Variants in ZNF469 observed in about 807,000 individuals in gnomAD.
The protein encoded by ZNF469 is zinc finger protein 469.
ZNF469 carries 1 observed loss-of-function variant against 1.0 expected under a neutral mutation model. That is an observed-to-expected ratio of 1.00 (90% confidence interval 0.35 to 4.73). ZNF469 has a LOEUF of 4.73. Ranked by LOEUF, ZNF469 falls within the 30% of genes most tolerant of loss-of-function variation. The pLI is 0.16. For missense variants in ZNF469, 6,100 were observed against 5,356.3 expected, an observed-to-expected ratio of 1.14 and a Z score of -4.33; for synonymous variants, 2,703 against 2,363.4, an observed-to-expected ratio of 1.14 and a Z score of -4.17.
At chr16:88,278,980 G>A in the ZNF469 span, among the ~76,000 whole-genome samples, 1 of 151,318 alleles carries the variant, frequency 6.6e-6, no homozygotes, top group Admixed American at 6.6e-5. Context: ...TTAGTGGTGT[G>A]CCACGCTGAC....
chr16:88,172,656 T>G, the ZNF469 span, among the ~76,000 whole-genome samples: 1 of 152,190 alleles, frequency 6.6e-6, no homozygotes, highest in African/African-American at 2.4e-5. Flanking sequence ...CAATCATAAG[T>G]GACAGATGAT....
the ZNF469 span, among the ~76,000 whole-genome samples, chr16:88,134,382 G>C: frequency 1.3e-5 from 2 of 152,198 alleles, no homozygotes; most frequent in Non-Finnish European, 2.9e-5. Context: ...GGGAGCTGGG[G>C]ACACAGTGAG....
chr16:88,154,694 A>G, the ZNF469 span, among the ~76,000 whole-genome samples: 2 of 152,312 alleles, frequency 1.3e-5, no homozygotes, highest in East Asian at 1.9e-4. Flanking sequence ...TGTGAGCTGC[A>G]TGGGGCGGAT....
the ZNF469 span, among the ~76,000 whole-genome samples, chr16:88,208,803 ACTCTCTCTCT>A: frequency 6.2e-4 from 77 of 123,654 alleles, 1 homozygote; most frequent in African/African-American, 1.7e-3. Context: ...ACACACACAC[ACTCTCTCTCT>A]CTCTCTCTCT....
the ZNF469 span, among the ~76,000 whole-genome samples, chr16:88,371,977 ATCATCACCATCACCAT>A: frequency 3.2e-4 from 20 of 62,864 alleles, no homozygotes; most frequent in Non-Finnish European, 6.4e-4. Flanking sequence ...CATCACCACC[ATCATCACCATCACCAT>A]CACCATCATC....
the ZNF469 span, among the ~76,000 whole-genome samples, chr16:88,369,299 G>A: frequency 0.084 from 12,781 of 152,184 alleles, 822 homozygotes; most frequent in Non-Finnish European, 0.12. Context: ...CCCTTGGGAC[G>A]CCACATGCAA....
the ZNF469 span, among the ~76,000 whole-genome samples, chr16:88,289,628 A>G: frequency 6.6e-6 from 1 of 152,150 alleles, no homozygotes; most frequent in Non-Finnish European, 1.5e-5. Flanking sequence ...AAGCTGAGAG[A>G]GAGAGAAATG....
the ZNF469 span, among the ~76,000 whole-genome samples, chr16:88,159,190 G>A: frequency 1.3e-5 from 1 of 75,130 alleles, no homozygotes; most frequent in Non-Finnish European, 3.5e-5. Flanking sequence ...CCTGGTCACG[G>A]ATGCTCACAG....
the ZNF469 span, among the ~76,000 whole-genome samples, chr16:88,292,381 T>C: frequency 6.6e-6 from 1 of 152,140 alleles, no homozygotes; most frequent in Non-Finnish European, 1.5e-5. Flanking sequence ...GAGTCCCTGT[T>C]GTAAACTCGG....
the ZNF469 span, among the ~76,000 whole-genome samples, chr16:88,321,730 G>A: frequency 6.6e-6 from 1 of 151,342 alleles, no homozygotes; most frequent in Non-Finnish European, 1.5e-5. Context: ...GATTGGACAT[G>A]ACCCTTGGCT....
the ZNF469 span, among the ~76,000 whole-genome samples, chr16:88,227,032 C>A: frequency 1.4e-5 from 2 of 143,740 alleles, no homozygotes; most frequent in Non-Finnish European, 1.5e-5. Context: ...CTGCGCGTTT[C>A]CACCCGTGCC....
chr16:88,186,439 C>A, the ZNF469 span, among the ~76,000 whole-genome samples: 1 of 152,328 alleles, frequency 6.6e-6, no homozygotes, highest in African/African-American at 2.4e-5. Flanking sequence ...TGCGGCCCAT[C>A]GTGCGCTGGG....
the ZNF469 span, among the ~76,000 whole-genome samples, chr16:88,368,375 G>A: frequency 6.6e-6 from 1 of 152,242 alleles, no homozygotes; most frequent in African/African-American, 2.4e-5. Flanking sequence ...TGGAGGCCGA[G>A]CTCCTTGCAG....
At chr16:88,398,469 G>A (rs73249896) in intron 1 of ZNF469, among the ~76,000 whole-genome samples, 38,335 of 150,704 alleles carry the variant, frequency 0.25, 5,432 homozygotes, top group African/African-American at 0.39. Flanking sequence ...AGGGGGACCC[G>A]TGAGCCACGG....
the ZNF469 span, among the ~76,000 whole-genome samples, chr16:88,138,019 G>A: frequency 6.6e-6 from 1 of 152,276 alleles, no homozygotes; most frequent in Non-Finnish European, 1.5e-5. Flanking sequence ...CCCCATCACG[G>A]AGCATTCCAC....
chr16:88,101,477 C>A, the ZNF469 span, among the ~76,000 whole-genome samples: 6 of 151,568 alleles, frequency 4.0e-5, no homozygotes, highest in African/African-American at 1.5e-4. Flanking sequence ...TCTCAGCGCC[C>A]GGGTTGGGAT....
At chr16:88,270,993 G>A in the ZNF469 span, among the ~76,000 whole-genome samples, 2 of 152,222 alleles carry the variant, frequency 1.3e-5, no homozygotes, top group African/African-American at 4.8e-5. Flanking sequence ...CCACATCCCA[G>A]CTCTGGAATC....
the ZNF469 span, among the ~76,000 whole-genome samples, chr16:88,265,542 G>T: frequency 6.6e-6 from 1 of 152,220 alleles, no homozygotes; most frequent in Non-Finnish European, 1.5e-5. Context: ...GGCGGGGCCG[G>T]GTGCGTCCAG....
chr16:88,332,418 T>G, the ZNF469 span, among the ~76,000 whole-genome samples: 1 of 152,244 alleles, frequency 6.6e-6, no homozygotes. Context: ...GCCCCCTCTG[T>G]GCCGGCTCTC....
Sources: gnomAD v4.1 joint callset for allele counts (sites outside exome capture counted in the v4.1 genomes callset) on GRCh38, gnomAD v4.1.1 for gene constraint, MANE v1.5 for transcripts, NCBI Gene and HGNC (gene_info 2026-07-23, HGNC 2026-07-21) for gene names.